The following OR52I2 variants were observed in gnomAD, a reference collection of about 807,000 sequenced individuals.
OR52I2 encodes the protein olfactory receptor family 52 subfamily I member 2.
For synonymous variants in OR52I2, 147 were observed against 151.9 expected, an observed-to-expected ratio of 0.97 and a Z score of 0.24; for missense variants, 350 against 402.4, an observed-to-expected ratio of 0.87 and a Z score of 1.11.
chr11:4,593,308 G>A (rs924919656), exon 2 of OR52I2: 1 of 154,012 alleles, frequency 6.5e-6, no homozygotes, highest in African/African-American at 2.4e-5. Context: ...CTGAACCAAA[G>A]TGAATAGGAT....
chr11:4,591,470 C>A (rs756468705), exon 2 of OR52I2: 3 of 152,110 alleles, frequency 2.0e-5, no homozygotes, highest in African/African-American at 7.2e-5. Context: ...TATGTCAAAA[C>A]AAATCACACA....
intron 1 of OR52I2, among the ~76,000 whole-genome samples, chr11:4,582,099 C>G (rs7119130): frequency 0.92 from 140,056 of 152,264 alleles, 64,603 homozygotes; most frequent in East Asian, 1. Flanking sequence ...AAAGCAGAGA[C>G]AGGAAAGGGT....
chr11:4,586,909 A>G (rs780829699), exon 2 of OR52I2: 6 of 1,614,136 alleles, frequency 3.7e-6, no homozygotes, highest in Non-Finnish European at 5.1e-6. Context: ...TCCAGCTTAT[A>G]ACCACACAAT....
At chr11:4,586,168 T>C (rs1846298972) in intron 1 of OR52I2, among the ~76,000 whole-genome samples, 1 of 152,212 alleles carries the variant, frequency 6.6e-6, no homozygotes, top group Non-Finnish European at 1.5e-5. Flanking sequence ...CCAGGTACTT[T>C]ATTATCTCCT....
At chr11:4,581,889 GTGTTGGGCTGATAGAGATCGAA>G (rs925323277) in intron 1 of OR52I2, 25 bp downstream of exon 1, 1 of 152,230 alleles carries the variant, frequency 6.6e-6, no homozygotes, top group Non-Finnish European at 1.5e-5. Context: ...TGGGAATCAG[GTGTTGGGCTGATAGAGATCGAA>G]TGTTGGGCTG....
Position 4,585,972 on chromosome 11 carries a change from T to C in OR52I2, c.-19-900T>C, listed in dbSNP as rs188646621. The stretch of plus-strand genomic sequence containing the variant: ...CTTTCTAAAGGATAAAGCTTCCTTG[T>C]TGCCTGGAATGTCTTGGTAGTTTAT... On this transcript the variant is annotated intron_variant, in intron 1 of 1. Transcript: ENST00000641896. Among the ~76,000 whole-genome samples, 90 of 152,306 alleles carry C rather than the reference T, an allele frequency of 5.9e-4. 1 individual carries two copies. The highest frequency in any genetic ancestry group is 3.1e-3 in the Admixed American group (47 of 15,300).
At chr11:4,592,988 C>G (rs1169813219) in exon 2 of OR52I2, 1 of 152,234 alleles carries the variant, frequency 6.6e-6, no homozygotes, top group African/African-American at 2.4e-5. Context: ...ACACGTACTA[C>G]ATGATCTTGG....
exon 2 of OR52I2, chr11:4,588,455 CCCCT>C (rs1288405630): frequency 1.3e-5 from 2 of 154,674 alleles, no homozygotes; most frequent in African/African-American, 4.8e-5. Context: ...GCCCCATGCA[CCCCT>C]CTAGCCTCTT....
At chr11:4,585,447 G>A (rs1367076667) in intron 1 of OR52I2, among the ~76,000 whole-genome samples, 1 of 152,162 alleles carries the variant, frequency 6.6e-6, no homozygotes, top group Non-Finnish European at 1.5e-5. Flanking sequence ...TCATCCTAAG[G>A]AGAAAGTAAC....
At chr11:4,585,850 T>A (rs1287067899) in intron 1 of OR52I2, among the ~76,000 whole-genome samples, 5 of 152,238 alleles carry the variant, frequency 3.3e-5, no homozygotes, top group African/African-American at 1.2e-4. Flanking sequence ...AATGGATGTT[T>A]GATCTATTTT....
At chr11:4,582,521 C>T (rs1169600718) in intron 1 of OR52I2, among the ~76,000 whole-genome samples, 1 of 140,694 alleles carries the variant, frequency 7.1e-6, no homozygotes, top group Non-Finnish European at 1.5e-5. Flanking sequence ...CTCACTGCAG[C>T]CTCCACCTTC....
intron 1 of OR52I2, among the ~76,000 whole-genome samples, chr11:4,586,084 A>G (rs745915162): frequency 6.6e-5 from 10 of 152,182 alleles, no homozygotes; most frequent in Non-Finnish European, 1.3e-4. Context: ...TCTTTGTAGT[A>G]TTTTAATCTA....
At chr11:4,587,046 A>C in exon 2 of OR52I2, 1 of 1,614,086 alleles carries the variant, frequency 6.2e-7, no homozygotes, top group Non-Finnish European at 8.5e-7. Context: ...TCGTGACTGC[A>C]ATCTGGATGG....
exon 2 of OR52I2, chr11:4,592,458 TTGTACGCTC>T (rs1377712063): frequency 6.6e-6 from 1 of 152,156 alleles, no homozygotes; most frequent in Non-Finnish European, 1.5e-5. Context: ...TATGCAGGAT[TTGTACGCTC>T]TATTCTGATG....
intron 1 of OR52I2, among the ~76,000 whole-genome samples, chr11:4,584,389 C>G (rs1005128948): frequency 1.3e-5 from 2 of 152,202 alleles, no homozygotes; most frequent in African/African-American, 4.8e-5. Context: ...TTCTTGGCAT[C>G]TGGAGTTCAG....
chr11:4,583,408 T>G (rs1161540928), intron 1 of OR52I2, among the ~76,000 whole-genome samples: 1 of 152,160 alleles, frequency 6.6e-6, no homozygotes, highest in Admixed American at 6.5e-5. Flanking sequence ...GCAGCCAGGG[T>G]AGGAATATCC....
At chr11:4,591,918 T>C (rs1356581355) in exon 2 of OR52I2, 2 of 152,136 alleles carry the variant, frequency 1.3e-5, no homozygotes, top group African/African-American at 2.4e-5. Context: ...ATGGAACAGA[T>C]AGTGGGCTCT....
At chr11:4,582,434 A>ATTTTTTTTTTTTTTTTTTTTTTTTTT (rs386372959) in intron 1 of OR52I2, among the ~76,000 whole-genome samples, 9 of 96,472 alleles carry the variant, frequency 9.3e-5, no homozygotes, top group East Asian at 3.1e-4. Context: ...TTTATTTTTC[A>ATTTTTTTTTTTTTTTTTTTTTTTTTT]TTTTTTTTTT....
At chr11:4,588,016 G>A in exon 2 of OR52I2, 1 of 679,430 alleles carries the variant, frequency 1.5e-6, no homozygotes, top group Non-Finnish European at 2.5e-6. Flanking sequence ...TGAATGAAAT[G>A]TTTCTGATTT....
Sources: allele counts gnomAD v4.1 joint callset (sites outside exome capture counted in the v4.1 genomes callset), GRCh38; gene constraint gnomAD v4.1.1; transcripts MANE v1.5; gene names NCBI Gene and HGNC (gene_info 2026-07-23, HGNC 2026-07-21).